TMEM132D: variants seen among roughly 807,000 people sequenced by gnomAD.
TMEM132D encodes the protein transmembrane protein 132D.
A neutral mutation model predicts 62.3 loss-of-function variants in TMEM132D; 21 were observed. The observed-to-expected ratio is 0.34, with a 90% confidence interval of 0.24 to 0.49. The LOEUF is 0.49. TMEM132D is among the 20% of genes least tolerant of loss of function. The probability of loss-of-function intolerance (pLI) is 0.99; values close to 1 mark genes in which losing one functional copy is unlikely to be tolerated. For missense variants in TMEM132D, 1,346 were observed against 1,402.8 expected (o/e 0.96, Z 0.65); for synonymous variants, 621 against 575.6 (o/e 1.08, Z -1.13).
chr12:129,387,611 T>G (rs1871147765), intron 3 of TMEM132D, among the ~76,000 whole-genome samples: 1 of 151,988 alleles, frequency 6.6e-6, no homozygotes, highest in African/African-American at 2.4e-5. Context: ...ACACTAACAC[T>G]AATGCCACCA....
intron 1 of TMEM132D, among the ~76,000 whole-genome samples, chr12:129,885,363 C>T (rs1121341): frequency 0.88 from 133,869 of 152,292 alleles, 61,392 homozygotes; most frequent in East Asian, 1. Flanking sequence ...TGCCTCAACC[C>T]TTGTACACAC....
intron 1 of TMEM132D, among the ~76,000 whole-genome samples, chr12:129,749,170 T>C (rs181418641): frequency 6.6e-6 from 1 of 152,352 alleles, no homozygotes; most frequent in East Asian, 1.9e-4. Flanking sequence ...AGATCGATGC[T>C]AATTGACTCT....
chr12:129,481,277 A>G (rs895111866), intron 3 of TMEM132D, among the ~76,000 whole-genome samples: 1 of 152,054 alleles, frequency 6.6e-6, no homozygotes, highest in Non-Finnish European at 1.5e-5. Context: ...TTGAGACCAA[A>G]GTGGGTAGCA....
At chr12:129,146,080 T>C (rs1876886506) in intron 5 of TMEM132D, among the ~76,000 whole-genome samples, 1 of 152,154 alleles carries the variant, frequency 6.6e-6, no homozygotes, top group Non-Finnish European at 1.5e-5. Flanking sequence ...ACTGATCTTT[T>C]TTTTTTTTCT....
chr12:129,188,304 C>A (rs1290764675), intron 5 of TMEM132D, among the ~76,000 whole-genome samples: 2 of 152,288 alleles, frequency 1.3e-5, no homozygotes, highest in East Asian at 3.9e-4. Context: ...GGCCCAGTCA[C>A]CTCTCGACAC....
chr12:129,483,267 C>T (rs577570720), intron 3 of TMEM132D, among the ~76,000 whole-genome samples: 2 of 152,268 alleles, frequency 1.3e-5, no homozygotes, highest in South Asian at 2.1e-4. Flanking sequence ...CTGTGGTTCT[C>T]ACCTTGGGCT....
chr12:129,219,207 T>C (rs1593300146), intron 4 of TMEM132D, among the ~76,000 whole-genome samples: 1 of 152,172 alleles, frequency 6.6e-6, no homozygotes, highest in Admixed American at 6.5e-5. Context: ...AATTGAATCA[T>C]GGGGGCAGGT....
intron 3 of TMEM132D, among the ~76,000 whole-genome samples, chr12:129,342,922 A>G (rs1174491970): frequency 1.3e-5 from 2 of 152,202 alleles, no homozygotes; most frequent in Non-Finnish European, 2.9e-5. Context: ...AAAGTCAGGA[A>G]ACAAGAGGTG....
chr12:129,395,962 AAT>A (rs34665010), intron 3 of TMEM132D, among the ~76,000 whole-genome samples: 1 of 142,394 alleles, frequency 7.0e-6, no homozygotes, highest in South Asian at 2.1e-4. Flanking sequence ...AATAATATAT[AAT>A]ATATATCATA....
chr12:129,085,863 T>C (rs922724733), intron 5 of TMEM132D: 1 of 152,260 alleles, frequency 6.6e-6, no homozygotes. Flanking sequence ...TCTTGTCTCC[T>C]AGCTTTCCTG....
At chr12:129,488,155 T>A (rs1874647633) in intron 3 of TMEM132D, among the ~76,000 whole-genome samples, 1 of 152,034 alleles carries the variant, frequency 6.6e-6, no homozygotes, top group African/African-American at 2.4e-5. Flanking sequence ...CTCCCCAGCC[T>A]CCAGAACACT....
intron 1 of TMEM132D, among the ~76,000 whole-genome samples, chr12:129,891,625 G>C (rs1445945372): frequency 6.6e-6 from 1 of 152,182 alleles, no homozygotes; most frequent in Non-Finnish European, 1.5e-5. Context: ...CAGAGATTAA[G>C]TAACTGTGAG....
At chr12:129,276,032 GGTTTGTTT>G (rs72253809) in intron 4 of TMEM132D, among the ~76,000 whole-genome samples, 3,942 of 151,252 alleles carry the variant, frequency 0.026, 111 homozygotes, top group East Asian at 0.15. Context: ...TGGATGCACA[GGTTTGTTT>G]GTTTGTTTGT....
chr12:129,847,360 G>A (rs1593184904), intron 1 of TMEM132D, among the ~76,000 whole-genome samples: 1 of 152,206 alleles, frequency 6.6e-6, no homozygotes, highest in East Asian at 1.9e-4. Context: ...GTGATTAATT[G>A]GAAATGCTTC....
chr12:129,639,369 C>T (rs919436349), intron 2 of TMEM132D, among the ~76,000 whole-genome samples: 35 of 114,088 alleles, frequency 3.1e-4, no homozygotes, highest in African/African-American at 1.1e-3. Flanking sequence ...GGTGACAGAG[C>T]GAGACTCTGT....
intron 2 of TMEM132D, among the ~76,000 whole-genome samples, chr12:129,570,543 G>A (rs1407139374): frequency 6.6e-6 from 1 of 152,202 alleles, no homozygotes; most frequent in African/African-American, 2.4e-5. Context: ...GGACCTCTGG[G>A]AGCAGGTGTG....
intron 3 of TMEM132D, among the ~76,000 whole-genome samples, chr12:129,344,633 A>C (rs1445659723): frequency 6.6e-6 from 1 of 152,070 alleles, no homozygotes; most frequent in Non-Finnish European, 1.5e-5. Flanking sequence ...CCTCTCAGTA[A>C]AGTCCCTCTT....
At chr12:129,596,332 GTTC>G (rs1878336162) in intron 2 of TMEM132D, among the ~76,000 whole-genome samples, 1 of 152,154 alleles carries the variant, frequency 6.6e-6, no homozygotes, top group African/African-American at 2.4e-5. Flanking sequence ...GTGAGACGAT[GTTC>G]TTCTTCTTTT....
rs540861300 is a variant in TMEM132D, at chr12:129,658,622, G to T, written c.968+41188C>A. Reference sequence around the variant, plus strand: ...CTGCTTGACGAATAGAGTATAATGGGAGTGACATGCTGGGACTTCTGAGAC... The same window carrying T: ...CTGCTTGACGAATAGAGTATAATGGTAGTGACATGCTGGGACTTCTGAGAC... On this transcript the variant is annotated intron_variant, in intron 2 of 8. Coordinates refer to ENST00000422113, the MANE Select transcript of TMEM132D (RefSeq NM_133448.3). 2.6e-5 allele frequency among the ~76,000 whole-genome samples: 4 copies of T among 152,312 alleles called. No homozygotes were observed. In the East Asian group the frequency reaches 7.7e-4, roughly 29 times the overall value.
Sources: allele counts gnomAD v4.1 joint callset (sites outside exome capture counted in the v4.1 genomes callset), GRCh38; gene constraint gnomAD v4.1.1; transcripts MANE v1.5; gene names NCBI Gene and HGNC (gene_info 2026-07-23, HGNC 2026-07-21).